Variants in CLSTN1 observed in about 807,000 individuals in gnomAD.
CLSTN1 encodes calsyntenin 1.
A neutral mutation model predicts 108.3 loss-of-function variants in CLSTN1; 28 were observed. That is an observed-to-expected ratio of 0.26 (90% CI 0.19 to 0.35). The LOEUF (loss-of-function observed/expected upper bound fraction) is 0.35, where lower values mean the gene tolerates loss of function less well. Among genes scored for constraint, CLSTN1 ranks in the 10% least tolerant of loss-of-function variants. The pLI, the probability that CLSTN1 is intolerant of heterozygous loss-of-function variation, is 1.00. For missense variants in CLSTN1, 1,157 were observed against 1,302.6 expected, an observed-to-expected ratio of 0.89 and a Z score of 1.72; for synonymous variants, 524 against 534.9, an observed-to-expected ratio of 0.98 and a Z score of 0.28.
intron 1 of CLSTN1, among the ~76,000 whole-genome samples, chr1:9,805,322 G>C (rs1654458762): frequency 6.6e-6 from 1 of 152,154 alleles, no homozygotes; most frequent in African/African-American, 2.4e-5. Flanking sequence ...GACTGCCCTA[G>C]AGCAGCAGTT....
intron 7 of CLSTN1, 71 bp from the exon 8 acceptor site, chr1:9,744,714 C>T (rs1035831636): frequency 2.3e-5 from 35 of 1,496,012 alleles, no homozygotes; most frequent in Middle Eastern, 2.4e-4. Flanking sequence ...CCCCCAGGCA[C>T]GTGCTTGTCT....
intron 1 of CLSTN1, among the ~76,000 whole-genome samples, chr1:9,810,435 CA>C (rs1287848112): frequency 6.6e-6 from 1 of 151,072 alleles, no homozygotes; most frequent in African/African-American, 2.4e-5. Context: ...AAGATCATGC[CA>C]CTGCACTCCA....
intron 1 of CLSTN1, among the ~76,000 whole-genome samples, chr1:9,811,180 T>C (rs2101319055): frequency 6.6e-6 from 1 of 152,314 alleles, no homozygotes; most frequent in Admixed American, 6.5e-5. Context: ...GTAGTTGTTA[T>C]TAAAGTCAGC....
chr1:9,796,048 A>G (rs1432946178), intron 1 of CLSTN1, among the ~76,000 whole-genome samples: 2 of 149,302 alleles, frequency 1.3e-5, no homozygotes, highest in Admixed American at 1.4e-4. Context: ...GATCACTTGA[A>G]GTCAGGAGTT....
intron 16 of CLSTN1, among the ~76,000 whole-genome samples, chr1:9,732,320 T>A (rs1374347151): frequency 6.6e-6 from 1 of 152,104 alleles, no homozygotes; most frequent in Non-Finnish European, 1.5e-5. Flanking sequence ...CACCTCAGCC[T>A]CTCAAGTAGC....
At chr1:9,770,029 CA>C (rs5772376) in intron 2 of CLSTN1, among the ~76,000 whole-genome samples, 98,267 of 115,742 alleles carry the variant, frequency 0.85, 40,959 homozygotes, top group African/African-American at 0.9. Flanking sequence ...GACTCCGTCT[CA>C]AAAAAAAAAA....
chr1:9,782,667 A>T (rs1232409949), intron 1 of CLSTN1, among the ~76,000 whole-genome samples: 1 of 152,216 alleles, frequency 6.6e-6, no homozygotes, highest in Non-Finnish European at 1.5e-5. Context: ...TAACATGAAT[A>T]TAAGCTATGC....
In CLSTN1 at chr1:9,793,828, A is replaced by G. The variant is rs375864597; in HGVS notation, c.92-20434T>C. On this transcript the variant is annotated intron_variant, in intron 1 of 18. Coordinates refer to ENST00000377298, the MANE Select transcript of CLSTN1 (RefSeq NM_001009566.3). ...AAATGTAACGTACAGAATTTCCCAC[A>G]GGCAAAACAGTGCAAAGTTGGGAAT... 2.0e-5 allele frequency among the ~76,000 whole-genome samples: 3 copies of G among 151,638 alleles called. 1 individual carries two copies. In the South Asian group the frequency reaches 6.5e-4, roughly 33 times the overall value.
At chr1:9,822,451 G>A (rs1655222979) in intron 1 of CLSTN1, among the ~76,000 whole-genome samples, 1 of 152,082 alleles carries the variant, frequency 6.6e-6, no homozygotes, top group South Asian at 2.1e-4. Context: ...CCAGGGAAGG[G>A]AAAATAAGAA....
At chr1:9,818,864 G>T (rs1655088590) in intron 1 of CLSTN1, among the ~76,000 whole-genome samples, 1 of 130,964 alleles carries the variant, frequency 7.6e-6, no homozygotes, top group Non-Finnish European at 1.5e-5. Context: ...TCGGCTCACT[G>T]CAAGCTCCAC....
At chr1:9,807,652 C>A (rs1220434103) in intron 1 of CLSTN1, among the ~76,000 whole-genome samples, 2 of 152,248 alleles carry the variant, frequency 1.3e-5, no homozygotes, top group Non-Finnish European at 2.9e-5. Flanking sequence ...GCGTGGCCAC[C>A]GTGAAGAGGC....
Position 9,733,492 on chromosome 1 carries a change from T to C in CLSTN1, c.2336A>G (p.Asn779Ser), listed in dbSNP as rs1650516129. 1 of 1,613,966 alleles carries C rather than the reference T, an allele frequency of 6.2e-7. No homozygotes were observed. Among genetic ancestry groups the C allele is most frequent in the African/African-American group, 1.3e-5 (1 of 74,902 alleles). Residue 779 changes from asparagine (N) to serine (S), a missense_variant, in exon 16 of 19, where the codon AAC becomes AGC. Physicochemically the swap from Asn to Ser is conservative, Grantham distance 46 (BLOSUM62 1). Coordinates refer to ENST00000377298, the MANE Select transcript of CLSTN1 (RefSeq NM_001009566.3). Reference protein sequence around the residue: ...EEVLHLLRYRNWHARSLLDRK... With the variant: ...EEVLHLLRYRSWHARSLLDRK... Reference sequence around the variant, plus strand: ...GTCAAGCAAGGACCTGGCATGCCAGTTCCGATAGCGCAGCAGGTGCAAAAC... The same window carrying C: ...GTCAAGCAAGGACCTGGCATGCCAGCTCCGATAGCGCAGCAGGTGCAAAAC...
Position 9,736,021 on chromosome 1 carries a change from T to C in CLSTN1, c.1598A>G (p.Gln533Arg). The change falls in exon 12 of 19, where the codon CAG becomes CGG. Residue 533 changes from glutamine (Q) to arginine (R), a missense_variant. Transcript: ENST00000377298. Reference sequence around the variant, plus strand: ...GCCAGCCAGATTGCCTCGGAAAAACTGGGTCATGTGCAGGTCGCCACCTTT... The same window carrying C: ...GCCAGCCAGATTGCCTCGGAAAAACCGGGTCATGTGCAGGTCGCCACCTTT... ...ASAGGDLHMT[Q>R]FFRGNLAGLT... 6.2e-7 allele frequency: 1 copy of C among 1,614,086 alleles called. No homozygotes were observed. Among genetic ancestry groups the C allele is most frequent in the Non-Finnish European group, 8.5e-7 (1 of 1,180,024 alleles).
At chr1:9,769,139 GAGAGGGAGGGAGGAAGGGAGGGAAGGAA>G (rs2101149787) in intron 2 of CLSTN1, among the ~76,000 whole-genome samples, 1 of 145,354 alleles carries the variant, frequency 6.9e-6, no homozygotes, top group Admixed American at 6.8e-5. Context: ...ATGAGAGGGA[GAGAGGGAGGGAGGAAGGGAGGGAAGGAA>G]GGAGGGAGGG....
intron 1 of CLSTN1, among the ~76,000 whole-genome samples, chr1:9,780,442 C>A (rs1368609722): frequency 6.6e-6 from 1 of 152,058 alleles, no homozygotes. Context: ...GTTTCTGCTG[C>A]CCAAATGGAA....
At chr1:9,804,002 A>G (rs973821256) in intron 1 of CLSTN1, among the ~76,000 whole-genome samples, 3 of 152,160 alleles carry the variant, frequency 2.0e-5, no homozygotes, top group Non-Finnish European at 4.4e-5. Context: ...CTACCAAAGA[A>G]TAAGCCCAAA....
chr1:9,737,481 G>T lies in CLSTN1; in HGVS notation c.1576+17C>A. ...AAATGAAACACAATAGTGAATGTAG[G>T]GAAAAAATCCAGCAACCTGCAGAGG... On this transcript the variant is annotated intron_variant, in intron 11 of 18. Transcript: ENST00000377298. 1 of 1,610,120 alleles carries T rather than the reference G, an allele frequency of 6.2e-7. No individual in the cohort carries two copies. Among genetic ancestry groups the T allele is most frequent in the Non-Finnish European group, 8.5e-7 (1 of 1,176,414 alleles).
At chr1:9,752,587 C>T (rs1015822612) in intron 4 of CLSTN1, among the ~76,000 whole-genome samples, 1 of 152,048 alleles carries the variant, frequency 6.6e-6, no homozygotes, top group African/African-American at 2.4e-5. Flanking sequence ...GACTCAGGGC[C>T]GGGTGTGGTG....
chr1:9,817,121 C>G (rs117272915), intron 1 of CLSTN1, among the ~76,000 whole-genome samples: 1 of 152,164 alleles, frequency 6.6e-6, no homozygotes, highest in Non-Finnish European at 1.5e-5. Flanking sequence ...AATCTCGGCT[C>G]TTTGAGAGGA....
Sources: allele counts gnomAD v4.1 joint callset (sites outside exome capture counted in the v4.1 genomes callset), GRCh38; gene constraint gnomAD v4.1.1; transcripts MANE v1.5; gene names NCBI Gene and HGNC (gene_info 2026-07-23, HGNC 2026-07-21).